The following OSBPL5 variants were observed in gnomAD, a reference collection of about 807,000 sequenced individuals.
The protein encoded by OSBPL5 is oxysterol binding protein like 5, also known as oxysterol-binding protein-related protein 5.
OSBPL5 carries 71 observed loss-of-function variants against 111.2 expected under a neutral mutation model. That is an observed-to-expected ratio of 0.64 (90% CI 0.53 to 0.78). The LOEUF is 0.78. Ranked by LOEUF, OSBPL5 falls within the 30% of genes least tolerant of loss-of-function variation. The pLI is 0.00. For missense variants in OSBPL5, 1,210 were observed against 1,189.3 expected (o/e 1.02, Z -0.26); for synonymous variants, 549 against 513.9 (o/e 1.07, Z -0.93).
At chr11:3,102,152 C>G in intron 12 of OSBPL5, 31 bp downstream of exon 12, 2 of 1,562,478 alleles carry the variant, frequency 1.3e-6, no homozygotes, top group Non-Finnish European at 1.7e-6. Context: ...GAGCCCAGCA[C>G]CCAGGCCGGT....
At position 3,142,975 on chromosome 11, in the gene OSBPL5, G is replaced by A. The variant is rs150395606; in HGVS notation, c.-21-13806C>T. 4.2e-4 allele frequency among the ~76,000 whole-genome samples: 61 copies of A among 145,296 alleles called. No individual in the cohort carries two copies. The East Asian group carries it at 0.012, about 27-fold the overall frequency. On this transcript the variant is annotated intron_variant, in intron 1 of 21. Coordinates refer to ENST00000263650, the MANE Select transcript of OSBPL5 (RefSeq NM_020896.4). The surrounding 1 kb of genome is among the most constrained non-coding windows in gnomAD (Gnocchi z 7.1). ...GCATCTGGGTCTGGACGGTCCTGGA[G>A]CCTGCAGAGCAGGGCAGAGGAGGCA...
intron 10 of OSBPL5, among the ~76,000 whole-genome samples, chr11:3,103,828 CT>C (rs1208267494): frequency 3.0e-5 from 2 of 66,368 alleles, no homozygotes; most frequent in Non-Finnish European, 7.4e-5. Flanking sequence ...GCGCAGCCCC[CT>C]TCCAGCCTCT....
intron 19 of OSBPL5, 21 bp from the exon 20 acceptor site, chr11:3,090,717 T>C: frequency 6.2e-7 from 1 of 1,601,134 alleles, no homozygotes; most frequent in East Asian, 2.2e-5. Flanking sequence ...ATGGAGCTGC[T>C]GCAGCTGAAA....
In OSBPL5 at chr11:3,105,018, A is replaced by G. The variant is rs922235026; in HGVS notation, c.1060-641T>C. Among the ~76,000 whole-genome samples, 1 of 151,938 alleles carries G rather than the reference A, an allele frequency of 6.6e-6. No individual in the cohort carries two copies. Among genetic ancestry groups the G allele is most frequent in the Non-Finnish European group, 1.5e-5 (1 of 67,984 alleles). On this transcript the variant is annotated intron_variant, in intron 9 of 21. Transcript: ENST00000263650. This position sits in a 1 kb window ranked among gnomAD's most constrained non-coding sequence, Gnocchi z 5.2. ...GGCCCCCTCATCTCTTCCTTTTCTG[A>G]GACATCTAACCCTCACCACAGCTCC...
Position 3,089,864 on chromosome 11 carries a change from G to A in OSBPL5, c.2483C>T (p.Ala828Val), listed in dbSNP as rs1300967460. 2.6e-6 allele frequency: 4 copies of A among 1,562,944 alleles called. No homozygotes were observed. Among genetic ancestry groups the A allele is most frequent in the Non-Finnish European group, 2.6e-6 (3 of 1,153,848 alleles). ...LHEAILSIREAQQELHRHLSA... is the reference protein window; with the variant it reads ...LHEAILSIREVQQELHRHLSA... ...GGCCCACCTGTGCAGCTCCTGCTGG[G>A]CCTCTCGGATGGAGAGGATGGCCTC... The change falls in exon 21 of 22, where the codon GCC (alanine) becomes GTC (valine). Residue 828 changes from alanine to valine, a missense_variant. Ala to Val is a moderately conservative substitution (Grantham distance 64, BLOSUM62 0). Transcript: ENST00000263650.
rs1857692569 is a variant in OSBPL5, at chr11:3,106,335, T to C, written c.1059+928A>G. On this transcript the variant is annotated intron_variant, in intron 9 of 21. Coordinates refer to ENST00000263650, the MANE Select transcript of OSBPL5 (RefSeq NM_020896.4). The surrounding 1 kb of genome is among the most constrained non-coding windows in gnomAD (Gnocchi z 8.4). ...CTCAGTGACAGCCACGGCCTTGCTC[T>C]TGTCTCGCCTCCCGGGTGAGAATGA... Among the ~76,000 whole-genome samples, 3 of 152,266 alleles carry C rather than the reference T, an allele frequency of 2.0e-5. No individual in the cohort carries two copies. The highest frequency in any genetic ancestry group is 3.9e-4 in the East Asian group (2 of 5,174).
Position 3,129,051 on chromosome 11 carries a change from A to G in OSBPL5, c.98T>C (p.Leu33Pro). The stretch of plus-strand genomic sequence containing the variant: ...GTAGAGCTCATTGTCTCCGCTGAGG[A>G]GCAAGTTCCGGGTGAGCTTCCGGGG... ...VDPRKLTRNL[L>P]LSGDNELYPL... The change falls in exon 2 of 22, where the codon CTC becomes CCC. Residue 33 changes from leucine to proline, a missense_variant. By Grantham distance (98) the Leu-to-Pro change is moderately conservative. Coordinates refer to ENST00000263650, the MANE Select transcript of OSBPL5 (RefSeq NM_020896.4). 9 of 1,587,408 alleles carry G rather than the reference A, an allele frequency of 5.7e-6. No homozygotes were observed. The highest frequency in any genetic ancestry group is 7.7e-6 in the Non-Finnish European group (9 of 1,167,700).
chr11:3,147,823 G>A (rs964443853), intron 1 of OSBPL5, among the ~76,000 whole-genome samples: 5 of 152,164 alleles, frequency 3.3e-5, no homozygotes, highest in Admixed American at 1.3e-4. Context: ...GACCAGCCTC[G>A]GCAAGTGGGA....
At chr11:3,134,213 C>T (rs1013596305) in intron 1 of OSBPL5, among the ~76,000 whole-genome samples, 1 of 152,342 alleles carries the variant, frequency 6.6e-6, no homozygotes, top group East Asian at 1.9e-4. Context: ...TGGGTCGCCT[C>T]GTGGGCCTCC....
chr11:3,120,712 G>T, intron 5 of OSBPL5, 88 bp from the exon 6 acceptor site: 1 of 1,461,864 alleles, frequency 6.8e-7, no homozygotes, highest in Non-Finnish European at 9.2e-7. Context: ...GCCAGGCACA[G>T]ACCAGGGTGG....
At position 3,092,043 on chromosome 11, in the gene OSBPL5, C is replaced by G. The variant is rs910427896; in HGVS notation, c.2259+389G>C. On this transcript the variant is annotated intron_variant, in intron 19 of 21. Coordinates refer to ENST00000263650, the MANE Select transcript of OSBPL5 (RefSeq NM_020896.4). This position sits in a 1 kb window ranked among gnomAD's most constrained non-coding sequence, Gnocchi z 5.4. ...TGGAGCCTCCTGCTGTCCCGCTTCC[C>G]CTTTCCAGACACAAGATCTGTGCAA... Among the ~76,000 whole-genome samples, 2 of 152,154 alleles carry G rather than the reference C, an allele frequency of 1.3e-5. No individual in the cohort carries two copies. The highest frequency in any genetic ancestry group is 4.8e-5 in the African/African-American group (2 of 41,434).
chr11:3,102,343 G>C (rs749231201), intron 11 of OSBPL5, 62 bp from the exon 12 acceptor site: 4 of 1,492,772 alleles, frequency 2.7e-6, no homozygotes, highest in Non-Finnish European at 3.7e-6. Flanking sequence ...GTGCAGAGCA[G>C]GTGAGGGATG....
At chr11:3,157,366 T>C (rs988812700) in intron 1 of OSBPL5, among the ~76,000 whole-genome samples, 1 of 151,894 alleles carries the variant, frequency 6.6e-6, no homozygotes, top group Non-Finnish European at 1.5e-5. Context: ...TGAGACAGGG[T>C]TCCAGGAGAA....
At chr11:3,100,123 G>A (rs763895681) in intron 14 of OSBPL5, 35 bp downstream of exon 14, 1 of 1,597,250 alleles carries the variant, frequency 6.3e-7, no homozygotes, top group East Asian at 2.2e-5. Context: ...ACAGAGCCTG[G>A]CTCTGCCCTC....
chr11:3,149,750 C>T (rs903476860), intron 1 of OSBPL5, among the ~76,000 whole-genome samples: 5 of 152,358 alleles, frequency 3.3e-5, no homozygotes, highest in East Asian at 1.9e-4. Context: ...ACGACCCCCC[C>T]GTCACTGACC....
chr11:3,119,797 G>A (rs1042300260), intron 6 of OSBPL5, 166 bp from the exon 7 acceptor site: 5 of 568,870 alleles, frequency 8.8e-6, no homozygotes, highest in Non-Finnish European at 1.5e-5. Context: ...ACACTTGGCT[G>A]CAGAGAGGCG....
chr11:3,128,855 C>T (rs867474342), intron 2 of OSBPL5, among the ~76,000 whole-genome samples, 158 bp downstream of exon 2: 3 of 152,186 alleles, frequency 2.0e-5, no homozygotes, highest in African/African-American at 7.2e-5. Flanking sequence ...TATTACCTGG[C>T]ACTCTACCAA....
At chr11:3,163,994 C>A (rs1847040330) in intron 1 of OSBPL5, 1 of 152,212 alleles carries the variant, frequency 6.6e-6, no homozygotes, top group South Asian at 2.1e-4. Context: ...GGGATAAAAA[C>A]GTGCAGAGGG....
At position 3,136,489 on chromosome 11, in the gene OSBPL5, G is replaced by A. The variant is rs953064134; in HGVS notation, c.-21-7320C>T. On this transcript the variant is annotated intron_variant, in intron 1 of 21. Transcript: ENST00000263650. ...TCCAGCTGAGTCCTGGACTCATTCC[G>A]CATCCTTCCTGTGCCCAATTCCTCC... 4.6e-5 allele frequency among the ~76,000 whole-genome samples: 7 copies of A among 152,242 alleles called. No homozygotes were observed. The East Asian group carries it at 7.7e-4, about 17-fold the overall frequency.
Sources: gnomAD v4.1 joint callset for allele counts (sites outside exome capture counted in the v4.1 genomes callset) on GRCh38, gnomAD v4.1.1 for gene constraint, Gnocchi (gnomAD v3.1) non-coding constraint, MANE v1.5 for transcripts, NCBI Gene and HGNC (gene_info 2026-07-23, HGNC 2026-07-21) for gene names.